KIF21B: variants seen among roughly 807,000 people sequenced by gnomAD.
KIF21B encodes the protein kinesin family member 21B.
In KIF21B, 85 loss-of-function variants were observed where a neutral mutation model predicts 192.9. That is an observed-to-expected ratio of 0.44 (90% CI 0.37 to 0.53). The LOEUF is 0.53. KIF21B is among the 20% of genes least tolerant of loss of function. The pLI is 0.00. For synonymous variants in KIF21B, 832 were observed against 884.6 expected, an observed-to-expected ratio of 0.94 and a Z score of 1.05; for missense variants, 1,716 against 2,194.8, an observed-to-expected ratio of 0.78 and a Z score of 4.36.
At position 200,998,594 on chromosome 1, in the gene KIF21B, G is replaced by A. The variant is rs774574158; in HGVS notation, c.1886-19C>T. ...TTCACCTCTATGGGGGCACAATCAG[G>A]CTCAGCCCAGCGTTAGGGCGAGGGG... On this transcript the variant is annotated intron_variant, in intron 13 of 34. Transcript: ENST00000461742. This position sits in a 1 kb window ranked among gnomAD's most constrained non-coding sequence, Gnocchi z 4.3. 11 of 1,609,510 alleles carry A rather than the reference G, an allele frequency of 6.8e-6. No individual in the cohort carries two copies. The highest frequency in any genetic ancestry group is 9.3e-6 in the Non-Finnish European group (11 of 1,177,450).
intron 7 of KIF21B, among the ~76,000 whole-genome samples, chr1:201,004,124 A>G (rs1657658039): frequency 6.6e-6 from 1 of 151,902 alleles, no homozygotes; most frequent in Non-Finnish European, 1.5e-5. Context: ...CTTCCCTTAG[A>G]ATGTCTCTCT....
In KIF21B at chr1:200,971,597, A is replaced by T. The variant is rs1381684614; in HGVS notation, c.*1924T>A. ...AGATTTGTGGCCACATCTTAGAGCT[A>T]AGGGGGTTGCCCGGCACCCCCGGGG... On this transcript the variant is annotated 3_prime_UTR_variant, in exon 35 of 35. Coordinates refer to ENST00000461742, the MANE Select transcript of KIF21B (RefSeq NM_001252102.2). The T allele has an allele frequency of 6.6e-6, 1 of 152,388 alleles. No homozygotes were observed. Among genetic ancestry groups the T allele is most frequent in the Non-Finnish European group, 1.5e-5 (1 of 68,062 alleles). The allele number at this position is 152,388 out of a possible 1,614,324, so 9.4% of individuals were successfully genotyped here. A position where few individuals can be genotyped will look rare whatever the true frequency, so the allele number is the denominator to read the frequency against.
rs777561377 is a variant in KIF21B, at chr1:200,996,279, C to T, written c.2194G>A (p.Ala732Thr). The T allele has an allele frequency of 1.3e-4, 203 of 1,613,994 alleles. No individual in the cohort carries two copies. Among genetic ancestry groups the T allele is most frequent in the Non-Finnish European group, 1.6e-4 (191 of 1,180,044 alleles). ...CGCGACTGGTTCTTAAGCAGCCGGG[C>T]GTGCTCTTTCTGGGCGGCCTGCAGC... ...QKLQAAQKEH[A>T]RLLKNQSRYE... The change falls in exon 15 of 35, where the codon GCC becomes ACC. Residue 732 changes from alanine (A) to threonine (T), a missense_variant. Ala to Thr is a moderately conservative substitution (Grantham distance 58). This residue lies in a region of KIF21B where 1,087 missense variants were observed against 1,316.6 expected (regional missense o/e 0.83). Coordinates refer to ENST00000461742, the MANE Select transcript of KIF21B (RefSeq NM_001252102.2).
rs770684134 is a variant in KIF21B at position 200,988,882 on chromosome 1, C to T, written c.3182G>A (p.Arg1061Gln). 27 of 1,612,806 alleles carry T rather than the reference C, an allele frequency of 1.7e-5. No homozygotes were observed. The East Asian group carries it at 1.8e-4, about 11-fold the overall frequency. ...KEAQIRLLEG[R>Q]LRQTDMAGSS... Reference sequence around the variant, plus strand: ...GCCTGCCATATCCGTCTGCCTCAGTCGGCCCTCCAACAGCCGGATCTGGGC... The same window carrying T: ...GCCTGCCATATCCGTCTGCCTCAGTTGGCCCTCCAACAGCCGGATCTGGGC... The change falls in exon 22 of 35, where the codon CGA becomes CAA. Residue 1061 changes from arginine to glutamine, a missense_variant. Physicochemically the swap from Arg to Gln is conservative, Grantham distance 43. Around this residue, in one of 3 missense-constraint regions of KIF21B, gnomAD observed 580 missense variants for 775.5 expected, o/e 0.75. Coordinates refer to ENST00000461742, the MANE Select transcript of KIF21B (RefSeq NM_001252102.2).
chr1:201,000,020 A>G lies in KIF21B; in HGVS notation c.1686-56T>C, dbSNP rs1002649299. Reference sequence around the variant, plus strand: ...GGAAGGCTGCCCCTGCCCTGAGCACATGGGCAGGACGGCGGCAGCGGCAGA... The same window carrying G: ...GGAAGGCTGCCCCTGCCCTGAGCACGTGGGCAGGACGGCGGCAGCGGCAGA... On this transcript the variant is annotated intron_variant, in intron 11 of 34. Transcript: ENST00000461742. This position sits in a 1 kb window ranked among gnomAD's most constrained non-coding sequence, Gnocchi z 6.0. 11 of 1,486,110 alleles carry G rather than the reference A, an allele frequency of 7.4e-6. No homozygotes were observed. Among genetic ancestry groups the G allele is most frequent in the Non-Finnish European group, 1.0e-5 (11 of 1,066,438 alleles). 92.1% of individuals were successfully genotyped at this position (1,486,110 alleles called of 1,614,324 possible). A position where few individuals can be genotyped will look rare whatever the true frequency, so the allele number is the denominator to read the frequency against.
chr1:201,000,372 G>A lies in KIF21B; in HGVS notation c.1685+18C>T, dbSNP rs1271569107. ...GCGGTCTGAGGGCTCTCAGGGGCGG[G>A]GACGACACTCCACTCACCTCTTCCT... On this transcript the variant is annotated intron_variant, in intron 11 of 34. Coordinates refer to ENST00000461742, the MANE Select transcript of KIF21B (RefSeq NM_001252102.2). The surrounding 1 kb of genome is among the most constrained non-coding windows in gnomAD (Gnocchi z 6.0). 5.2e-6 allele frequency: 8 copies of A among 1,538,852 alleles called. No individual in the cohort carries two copies. The highest frequency in any genetic ancestry group is 6.9e-6 in the Non-Finnish European group (8 of 1,153,184).
chr1:200,990,071 C>T lies in KIF21B; in HGVS notation c.3031-28G>A, dbSNP rs1656579013. The T allele has an allele frequency of 5.0e-6, 8 of 1,609,510 alleles. No individual in the cohort carries two copies. The highest frequency in any genetic ancestry group is 6.8e-6 in the Non-Finnish European group (8 of 1,176,242). On this transcript the variant is annotated intron_variant, in intron 20 of 34. Coordinates refer to ENST00000461742, the MANE Select transcript of KIF21B (RefSeq NM_001252102.2). The surrounding 1 kb of genome is among the most constrained non-coding windows in gnomAD (Gnocchi z 5.4). ...AGGACCGGGAGGCAGAGAGCCCCGT[C>T]ACCTGGGGCTACCCCTGCCACCCAT... is the stretch of plus-strand genomic sequence containing the variant.
In KIF21B at chr1:200,996,223, G is replaced by C; in HGVS notation, c.2250C>G (p.Ala750=). 6.2e-7 allele frequency: 1 copy of C among 1,613,434 alleles called. No homozygotes were observed. The highest frequency in any genetic ancestry group is 1.7e-5 in the Admixed American group (1 of 60,018). The part of the protein sequence containing the change: ...RYERELKKLQ[A]EVAEMKKAKV... Reference sequence around the variant, plus strand: ...TGGCCTTCTTCATCTCAGCCACCTCGGCCTGTAGCTTCTTCAGCTCCCTCT... The same window carrying C: ...TGGCCTTCTTCATCTCAGCCACCTCCGCCTGTAGCTTCTTCAGCTCCCTCT... The change falls in exon 15 of 35, where the codon GCC becomes GCG. Residue 750 remains alanine, a synonymous_variant. Transcript: ENST00000461742.
intron 24 of KIF21B, 108 bp from the exon 25 acceptor site, chr1:200,987,309 G>A (rs922380504): frequency 1.5e-5 from 15 of 974,600 alleles, no homozygotes; most frequent in Admixed American, 2.5e-5. Context: ...GTGCAAACAT[G>A]GCTCACTGCA....
chr1:200,978,760 C>T (rs991124686), intron 30 of KIF21B, among the ~76,000 whole-genome samples: 2 of 152,214 alleles, frequency 1.3e-5, no homozygotes, highest in African/African-American at 4.8e-5. Context: ...AAACATGGCT[C>T]ACTACAGTCT....
In KIF21B at chr1:200,999,291, T is replaced by C; in HGVS notation, c.1885+58A>G. 1 of 1,609,384 alleles carries C rather than the reference T, an allele frequency of 6.2e-7. No individual in the cohort carries two copies. The highest frequency in any genetic ancestry group is 1.1e-5 in the South Asian group (1 of 90,986). On this transcript the variant is annotated intron_variant, in intron 13 of 34. Transcript: ENST00000461742. This position sits in a 1 kb window ranked among gnomAD's most constrained non-coding sequence, Gnocchi z 4.7. ...CTTTGAGCAGGGCCCGACCCCACAC[T>C]TGGGCACTGGCAGCCAGGCATTGCA...
Position 201,008,934 on chromosome 1 carries a change from C to A in KIF21B, c.282G>T (p.Thr94=), listed in dbSNP as rs149878953. The part of the protein sequence containing the change: ...LAYGQTGAGK[T]YTMGTGFDMA... Reference sequence around the variant, plus strand: ...TGTCAAAGCCAGTGCCCATGGTGTACGTCTTCCCGGCCCCCGTCTGCATTG... The same window carrying A: ...TGTCAAAGCCAGTGCCCATGGTGTAAGTCTTCCCGGCCCCCGTCTGCATTG... Residue 94 remains threonine (T), a synonymous_variant, in exon 3 of 35, where the codon ACG becomes ACT. Coordinates refer to ENST00000461742, the MANE Select transcript of KIF21B (RefSeq NM_001252102.2). 2.5e-6 allele frequency: 4 copies of A among 1,610,196 alleles called. No individual in the cohort carries two copies. Among genetic ancestry groups the A allele is most frequent in the African/African-American group, 2.7e-5 (2 of 74,924 alleles).
intron 9 of KIF21B, chr1:201,001,828 T>A (rs1484658578): frequency 3.0e-6 from 1 of 338,452 alleles, no homozygotes; most frequent in African/African-American, 2.0e-5. Flanking sequence ...AAACAAATAC[T>A]GAGAAAGGTG....
Position 200,999,481 on chromosome 1 carries a change from C to G in KIF21B, c.1768-15G>C, listed in dbSNP as rs1157586712. Reference sequence around the variant, plus strand: ...TCTTCCTCCTCCTGGGCACCAGGCACCATTGGGGTGGGCCTGGCCTCAGAG... The same window carrying G: ...TCTTCCTCCTCCTGGGCACCAGGCAGCATTGGGGTGGGCCTGGCCTCAGAG... On this transcript the variant is annotated splice_polypyrimidine_tract_variant and intron_variant, in intron 12 of 34. Coordinates refer to ENST00000461742, the MANE Select transcript of KIF21B (RefSeq NM_001252102.2). This position sits in a 1 kb window ranked among gnomAD's most constrained non-coding sequence, Gnocchi z 4.7. 6.2e-7 allele frequency: 1 copy of G among 1,612,354 alleles called. No individual in the cohort carries two copies. Among genetic ancestry groups the G allele is most frequent in the Non-Finnish European group, 8.5e-7 (1 of 1,178,996 alleles).
At position 200,988,277 on chromosome 1, in the gene KIF21B, G is replaced by C. The variant is rs1656434310; in HGVS notation, c.3408+19C>G. 1.7e-5 allele frequency: 27 copies of C among 1,612,600 alleles called. No homozygotes were observed. Among genetic ancestry groups the C allele is most frequent in the Non-Finnish European group, 2.3e-5 (27 of 1,179,466 alleles). On this transcript the variant is annotated intron_variant, in intron 24 of 34. Transcript: ENST00000461742. ...GCTGGCCCTGCTGCACCCACTGCCT[G>C]ACTTCCGGCGGGGCTCACCTTGAAC...
In KIF21B at chr1:200,977,217, A is replaced by C; in HGVS notation, c.4320T>G (p.Leu1440=). 6.2e-7 allele frequency: 1 copy of C among 1,611,286 alleles called. No homozygotes were observed. Among genetic ancestry groups the C allele is most frequent in the Non-Finnish European group, 8.5e-7 (1 of 1,177,716 alleles). Residue 1440 remains leucine, a synonymous_variant, in exon 31 of 35, where the codon CTT becomes CTG. Transcript: ENST00000461742. ...ASGNAVRIWE[L]SRFQPVGKLT... is the part of the protein sequence containing the mutation. ...TCCCCAGGTATCACGCTGACCTGCT[A>C]AGCTCCCAGATGCGGACGGCATTGC... is the stretch of plus-strand genomic sequence containing the variant.
Position 200,992,325 on chromosome 1 carries a change from T to C in KIF21B, c.2342A>G (p.Asn781Ser). 6.2e-7 allele frequency: 1 copy of C among 1,613,140 alleles called. No homozygotes were observed. Among genetic ancestry groups the C allele is most frequent in the African/African-American group, 1.3e-5 (1 of 75,082 alleles). ...QRRRLVETKRNREIAQLKKEQ... is the reference protein window; with the variant it reads ...QRRRLVETKRSREIAQLKKEQ... ...CTTCTTGAGCTGTGCGATCTCCCGG[T>C]TCCTCTTGGTCTCCACTAGCCGCCG... The change falls in exon 16 of 35, where the codon AAC (asparagine) becomes AGC (serine). Residue 781 changes from asparagine to serine, a missense_variant. Physicochemically the swap from Asn to Ser is conservative, Grantham distance 46. Coordinates refer to ENST00000461742, the MANE Select transcript of KIF21B (RefSeq NM_001252102.2).
At chr1:201,001,862 T>G in intron 9 of KIF21B, 1 of 436,120 alleles carries the variant, frequency 2.3e-6, no homozygotes, top group Non-Finnish European at 4.2e-6. Context: ...ACCAAGCTGC[T>G]CATAGAGGTT....
At chr1:201,005,255 C>G (rs1179028780) in intron 5 of KIF21B, 53 bp downstream of exon 5, 8 of 1,512,672 alleles carry the variant, frequency 5.3e-6, no homozygotes, top group Admixed American at 4.3e-5. Context: ...TCTTGCCCTT[C>G]CCGGGATACC....
Sources: gnomAD v4.1 joint callset for allele counts (sites outside exome capture counted in the v4.1 genomes callset) on GRCh38, gnomAD v4.1.1 for gene constraint, gnomAD v4.1.1 regional missense constraint, Gnocchi (gnomAD v3.1) non-coding constraint, MANE v1.5 for transcripts, NCBI Gene and HGNC (gene_info 2026-07-23, HGNC 2026-07-21) for gene names.